The following PCDHGA5 variants were observed in gnomAD, a reference collection of about 807,000 sequenced individuals.
PCDHGA5 encodes the protein protocadherin gamma-A5.
In PCDHGA5, 36 loss-of-function variants were observed where a neutral mutation model predicts 56.7. That is an observed-to-expected ratio of 0.64 (90% confidence interval 0.49 to 0.84). The LOEUF is 0.84. PCDHGA5 is among the 40% of genes least tolerant of loss of function. The pLI is 0.00. For missense variants in PCDHGA5, 1,305 were observed against 1,201.5 expected (o/e 1.09, Z -1.27); for synonymous variants, 563 against 520.2 (o/e 1.08, Z -1.12).
intron 1 of PCDHGA5, chr5:141,393,852 G>A (rs780721020): frequency 3.1e-6 from 5 of 1,614,004 alleles, no homozygotes; most frequent in South Asian, 1.1e-5. Flanking sequence ...TAGACCAGAA[G>A]TGATCATTAC....
intron 1 of PCDHGA5, chr5:141,423,753 G>GC (rs1489142243): frequency 4.8e-6 from 3 of 626,014 alleles, no homozygotes; most frequent in African/African-American, 5.1e-5. Context: ...AACTGTTTGG[G>GC]GGGGGGGTGG....
chr5:141,433,176 T>A, intron 1 of PCDHGA5: 1 of 1,610,288 alleles, frequency 6.2e-7, no homozygotes, highest in Non-Finnish European at 8.5e-7. Flanking sequence ...AGTCATGGGT[T>A]AATTGAGGTG....
chr5:141,365,909 G>A lies in PCDHGA5; in HGVS notation c.1579G>A (p.Asp527Asn). The change falls in exon 1 of 4, where the codon GAC (aspartate) becomes AAC (asparagine). Residue 527 changes from aspartate to asparagine, a missense_variant. Physicochemically the swap from Asp to Asn is conservative, Grantham distance 23. Transcript: ENST00000518069. ...ATCCTTCGACTATGAGCAGTTGAGA[G>A]ACCTACAGTTGTGGGTGACAGCCAG... The part of the protein sequence containing the change: ...LRSFDYEQLR[D>N]LQLWVTASDS... 6.2e-7 allele frequency: 1 copy of A among 1,614,190 alleles called. No homozygotes were observed.
At chr5:141,446,894 A>C (rs1413761456) in intron 1 of PCDHGA5, among the ~76,000 whole-genome samples, 3 of 152,118 alleles carry the variant, frequency 2.0e-5, no homozygotes, top group Non-Finnish European at 2.9e-5. Flanking sequence ...TTCATGGCTG[A>C]GCTACTTTTG....
At chr5:141,428,049 G>A (rs770637382) in intron 1 of PCDHGA5, 16 of 1,608,954 alleles carry the variant, frequency 9.9e-6, no homozygotes, top group Non-Finnish European at 1.4e-5. Flanking sequence ...GGTGACCAAG[G>A]TGGTGGCGGT....
chr5:141,422,800 C>A (rs1470748782), intron 1 of PCDHGA5: 1 of 1,614,094 alleles, frequency 6.2e-7, no homozygotes, highest in Non-Finnish European at 8.5e-7. Flanking sequence ...CGACTATGAG[C>A]AGTTTCGAGA....
At chr5:141,430,752 A>C (rs772436100) in intron 1 of PCDHGA5, 1 of 1,501,400 alleles carries the variant, frequency 6.7e-7, no homozygotes, top group East Asian at 2.3e-5. Context: ...TTCTGGAGGA[A>C]GATAAGAATG....
At chr5:141,366,832 G>C in intron 1 of PCDHGA5, 81 bp downstream of exon 1, 1 of 1,518,404 alleles carries the variant, frequency 6.6e-7, no homozygotes, top group South Asian at 1.3e-5. Flanking sequence ...TTCAGAATCA[G>C]CTAGTTATGT....
chr5:141,475,297 T>C lies in PCDHGA5; in HGVS notation c.2422-19510T>C, dbSNP rs187277570. Among the ~76,000 whole-genome samples the C allele has an allele frequency of 6.5e-4, 99 of 152,360 alleles. 2 individuals are homozygous for C. Among genetic ancestry groups the C allele is most frequent in the African/African-American group, 2.3e-3 (96 of 41,586 alleles). ...TGAAAGACAGGGTAGGGAAATTTCT[T>C]ATTGCTCCCTGGTTCTTAAGAAATG... On this transcript the variant is annotated intron_variant, in intron 1 of 3. Transcript: ENST00000518069.
At chr5:141,422,280 C>G (rs748287385) in intron 1 of PCDHGA5, 9 of 1,557,754 alleles carry the variant, frequency 5.8e-6, no homozygotes, top group Non-Finnish European at 7.8e-6. Flanking sequence ...TAACTATCAC[C>G]TCTTCTATTA....
At chr5:141,370,974 C>G in intron 1 of PCDHGA5, 3 of 1,613,996 alleles carry the variant, frequency 1.9e-6, no homozygotes, top group Non-Finnish European at 2.5e-6. Context: ...GTACCCAGAG[C>G]TAGTACTGAA....
At chr5:141,428,358 G>A in intron 1 of PCDHGA5, 2 of 565,492 alleles carry the variant, frequency 3.5e-6, no homozygotes, top group South Asian at 1.9e-5. Context: ...TGATTTTGGC[G>A]GTCGCCTTGC....
At chr5:141,443,317 C>CAA (rs35054295) in intron 1 of PCDHGA5, among the ~76,000 whole-genome samples, 2,546 of 141,926 alleles carry the variant, frequency 0.018, 55 homozygotes, top group African/African-American at 0.052. Flanking sequence ...CCCATCTCTA[C>CAA]AAAAAAAAAA....
At chr5:141,443,604 G>A (rs1561911807) in intron 1 of PCDHGA5, among the ~76,000 whole-genome samples, 1 of 152,194 alleles carries the variant, frequency 6.6e-6, no homozygotes, top group Non-Finnish European at 1.5e-5. Context: ...TATATGAAAT[G>A]TTCTTATAAT....
intron 1 of PCDHGA5, among the ~76,000 whole-genome samples, chr5:141,488,554 T>C (rs1313975033): frequency 6.6e-6 from 1 of 152,064 alleles, no homozygotes; most frequent in African/African-American, 2.4e-5. Context: ...CAGCTGACAT[T>C]GAGATTTCCG....
At chr5:141,467,514 T>C (rs2154569535) in intron 1 of PCDHGA5, among the ~76,000 whole-genome samples, 1 of 152,362 alleles carries the variant, frequency 6.6e-6, no homozygotes, top group South Asian at 2.1e-4. Flanking sequence ...TTGGAGTTTA[T>C]TCTTTTGTGT....
chr5:141,384,702 C>T lies in PCDHGA5; in HGVS notation c.2421+17951C>T, dbSNP rs115492697. ...CGGTGGACAAAGATTCAGGCCAGAACGCCTGGCTGTCATACCTCCTGCTTA... is the reference window on the plus strand; with the variant it reads ...CGGTGGACAAAGATTCAGGCCAGAATGCCTGGCTGTCATACCTCCTGCTTA... On this transcript the variant is annotated intron_variant, in intron 1 of 3. Coordinates refer to ENST00000518069, the MANE Select transcript of PCDHGA5 (RefSeq NM_018918.3). The T allele has an allele frequency of 1.9e-3, 3,011 of 1,614,186 alleles. 49 individuals carry two copies. The African/African-American group carries it at 0.033, about 18-fold the overall frequency.
rs758879836 is a variant in PCDHGA5 at position 141,400,006 on chromosome 5, G to A, written c.2421+33255G>A. 3 of 1,612,536 alleles carry A rather than the reference G, an allele frequency of 1.9e-6. No homozygotes were observed. The South Asian group carries it at 3.3e-5, about 18-fold the overall frequency. On this transcript the variant is annotated intron_variant, in intron 1 of 3. Coordinates refer to ENST00000518069, the MANE Select transcript of PCDHGA5 (RefSeq NM_018918.3). ...CACAGGAGAGGTGCGCACAGCGCGT[G>A]CCTTGGGCGACAGGGACGCGGCCCG...
In PCDHGA5 at chr5:141,487,365, G is replaced by A. The variant is rs1466536791; in HGVS notation, c.2422-7442G>A. On this transcript the variant is annotated intron_variant, in intron 1 of 3. Coordinates refer to ENST00000518069, the MANE Select transcript of PCDHGA5 (RefSeq NM_018918.3). This position sits in a 1 kb window ranked among gnomAD's most constrained non-coding sequence, Gnocchi z 5.0. ...GTCACATGCTTTCCTGCTGGCACCT[G>A]TGCCTGTCTCACCAGATCTCGAAGG... The A allele has an allele frequency of 1.2e-6, 2 of 1,614,068 alleles. No homozygotes were observed. Among genetic ancestry groups the A allele is most frequent in the South Asian group, 1.1e-5 (1 of 91,088 alleles).
Sources: allele counts gnomAD v4.1 joint callset (sites outside exome capture counted in the v4.1 genomes callset), GRCh38; gene constraint gnomAD v4.1.1; non-coding constraint Gnocchi (gnomAD v3.1); transcripts MANE v1.5; gene names NCBI Gene and HGNC (gene_info 2026-07-23, HGNC 2026-07-21).